The following KLHL31 variants were observed in gnomAD, a reference collection of about 807,000 sequenced individuals.
KLHL31 encodes kelch-like protein 31.
In KLHL31, 32 loss-of-function variants were observed where a neutral mutation model predicts 47.1. The ratio of observed to expected loss-of-function variants is 0.68; its 90% CI spans 0.51 to 0.91. KLHL31 has a LOEUF of 0.91. Ranked by LOEUF, KLHL31 falls within the 40% of genes least tolerant of loss-of-function variation. The pLI is 0.00. For missense variants in KLHL31, 797 were observed against 819.3 expected (o/e 0.97, Z 0.33); for synonymous variants, 330 against 325.1 (o/e 1.01, Z -0.16).
chr6:53,663,986 A>G (rs1326553), intron 1 of KLHL31, among the ~76,000 whole-genome samples: 76,729 of 152,036 alleles, frequency 0.5, 21,429 homozygotes, highest in Admixed American at 0.62. Flanking sequence ...TTATGAATAC[A>G]CAGCTGACTT....
At chr6:53,658,986 T>C (rs1049880728) in intron 1 of KLHL31, among the ~76,000 whole-genome samples, 1 of 152,240 alleles carries the variant, frequency 6.6e-6, no homozygotes, top group African/African-American at 2.4e-5. Flanking sequence ...CCTCTAGGTT[T>C]GTCAGTGAAG....
At chr6:53,659,830 T>C (rs1261226530) in intron 1 of KLHL31, among the ~76,000 whole-genome samples, 1 of 152,106 alleles carries the variant, frequency 6.6e-6, no homozygotes. Flanking sequence ...CTAGATGAAA[T>C]AGTGAAATCA....
chr6:53,657,793 C>T (rs770816381), intron 1 of KLHL31, among the ~76,000 whole-genome samples: 10 of 152,000 alleles, frequency 6.6e-5, no homozygotes, highest in Non-Finnish European at 1.3e-4. Context: ...TGTTCCTATC[C>T]ATGCAGAAGA....
chr6:53,655,416 A>G, intron 1 of KLHL31, 111 bp from the exon 2 acceptor site: 1 of 538,322 alleles, frequency 1.9e-6, no homozygotes. Context: ...CATAAAATAG[A>G]TTAATTTTTA....
intron 1 of KLHL31, among the ~76,000 whole-genome samples, chr6:53,657,208 G>A (rs751009233): frequency 1.2e-4 from 18 of 152,072 alleles, no homozygotes; most frequent in Non-Finnish European, 2.4e-4. Flanking sequence ...CAAAGTGCTA[G>A]GATTACAGGC....
intron 1 of KLHL31, among the ~76,000 whole-genome samples, chr6:53,664,385 A>G (rs1764689667): frequency 6.6e-6 from 1 of 152,202 alleles, no homozygotes; most frequent in African/African-American, 2.4e-5. Flanking sequence ...AGTCTGAAAC[A>G]TACTGTGTGC....
chr6:53,651,793 C>G lies in KLHL31; in HGVS notation c.1710G>C (p.Val570=), dbSNP rs948424824. ...TCTTCTCGCCCTCGTTCCAGCCCCCCACCAGGTAGGCGCGGCCATGCAGCG... is the reference window on the plus strand; with the variant it reads ...TCTTCTCGCCCTCGTTCCAGCCCCCGACCAGGTAGGCGCGGCCATGCAGCG... ...VSALHGRAYL[V]GGWNEGEKKY... is the part of the protein sequence containing the mutation. Residue 570 remains valine (V), a synonymous_variant, in exon 3 of 3, where the codon GTG becomes GTC. Coordinates refer to ENST00000370905, the MANE Select transcript of KLHL31 (RefSeq NM_001003760.5). 1.9e-6 allele frequency: 3 copies of G among 1,613,540 alleles called. No individual in the cohort carries two copies. Among genetic ancestry groups the G allele is most frequent in the Non-Finnish European group, 1.7e-6 (2 of 1,180,030 alleles).
At position 53,663,937 on chromosome 6, in the gene KLHL31, G is replaced by A. The variant is rs139683356; in HGVS notation, c.-34+1664C>T. On this transcript the variant is annotated intron_variant, in intron 1 of 2. Transcript: ENST00000370905. Reference sequence around the variant, plus strand: ...TTCAGTATAATCAACTGTCAAACAAGGAGATGCATTACTTTTGCTTCTATA... The same window carrying A: ...TTCAGTATAATCAACTGTCAAACAAAGAGATGCATTACTTTTGCTTCTATA... 2.0e-3 allele frequency among the ~76,000 whole-genome samples: 308 copies of A among 152,296 alleles called. 4 individuals are homozygous for A. Among genetic ancestry groups the A allele is most frequent in the Admixed American group, 0.017 (253 of 15,294 alleles).
Position 53,654,522 on chromosome 6 carries a change from C to T in KLHL31, c.751G>A (p.Ala251Thr), listed in dbSNP as rs368971362. The change falls in exon 2 of 3, where the codon GCT (alanine) becomes ACT (threonine). Residue 251 changes from alanine to threonine, a missense_variant. By Grantham distance (58) the Ala-to-Thr change is moderately conservative. Coordinates refer to ENST00000370905, the MANE Select transcript of KLHL31 (RefSeq NM_001003760.5). The part of the protein sequence containing the change: ...LEFDQKRVKY[A>T]ADLLSNIRFG... ...CGAATATTGCTCAAAAGATCTGCAG[C>T]GTATTTTACTCTCTTTTGGTCAAAT... is the stretch of plus-strand genomic sequence containing the variant. 26 of 1,614,138 alleles carry T rather than the reference C, an allele frequency of 1.6e-5. No individual in the cohort carries two copies. The highest frequency in any genetic ancestry group is 1.1e-4 in the African/African-American group (8 of 75,036).
chr6:53,665,414 C>T (rs1196699729), intron 1 of KLHL31, among the ~76,000 whole-genome samples, 187 bp downstream of exon 1: 2 of 152,020 alleles, frequency 1.3e-5, no homozygotes, highest in African/African-American at 2.4e-5. Context: ...TCTCAGATTT[C>T]AAAAAAATGT....
rs1764522384 is a variant in KLHL31, at chr6:53,654,367, GT to G, written c.905del (p.Asn302ThrfsTer61). On this transcript the variant is annotated frameshift_variant, in exon 2 of 3. Coordinates refer to ENST00000370905, the MANE Select transcript of KLHL31 (RefSeq NM_001003760.5). LOFTEE classifies it high-confidence loss of function. ...TTCTTGTTCGCCTAGATTGCAATGTGTTTTGATGATATGGAAGCAAGTGGTA... is the reference window on the plus strand; with the variant it reads ...TTCTTGTTCGCCTAGATTGCAATGTGTTTGATGATATGGAAGCAAGTGGTA... ...MNYHLLPYHQNTLQSRRTRIR... is the reference protein window; with the variant it reads ...MNYHLLPYHQXTLQSRRTRIR... The G allele has an allele frequency of 1.2e-6, 2 of 1,614,098 alleles. No homozygotes were observed. The highest frequency in any genetic ancestry group is 2.2e-5 in the East Asian group (1 of 44,902).
intron 1 of KLHL31, among the ~76,000 whole-genome samples, chr6:53,659,165 C>T (rs939171109): frequency 1.3e-5 from 2 of 152,154 alleles, no homozygotes; most frequent in African/African-American, 4.8e-5. Flanking sequence ...AGAAAGCCAC[C>T]ACATCATGGA....
chr6:53,651,787 GC>G lies in KLHL31; in HGVS notation c.1715del (p.Gly572AlafsTer47), dbSNP rs761342860. The G allele has an allele frequency of 5.0e-6, 8 of 1,613,540 alleles. No individual in the cohort carries two copies. In the East Asian group the frequency reaches 1.1e-4, roughly 22 times the overall value. On this transcript the variant is annotated frameshift_variant, in exon 3 of 3. Transcript: ENST00000370905. LOFTEE classifies it high-confidence loss of function. ...TGTACTTCTTCTCGCCCTCGTTCCA[GC>G]CCCCCACCAGGTAGGCGCGGCCATG... is the stretch of plus-strand genomic sequence containing the variant. ...ALHGRAYLVG[G>X]WNEGEKKYKK...
chr6:53,654,014 T>C, intron 2 of KLHL31, 87 bp downstream of exon 2: 3 of 1,168,510 alleles, frequency 2.6e-6, no homozygotes, highest in Non-Finnish European at 3.6e-6. Context: ...ATGGACTAAG[T>C]TAATAAGCAA....
rs1281933911 is a variant in KLHL31, at chr6:53,657,621, T to TGTGTGC, written c.-33-2317_-33-2316insGCACAC. 3.1e-3 allele frequency among the ~76,000 whole-genome samples: 448 copies of TGTGTGC among 145,722 alleles called. 1 individual carries two copies. The highest frequency in any genetic ancestry group is 0.011 in the African/African-American group (424 of 38,572). Reference sequence around the variant, plus strand: ...TTTTTGTTTTTGTTTTGTGTGTGTGTGTGTGTGTGTGTGTGTGTGTGTGTG... The same window carrying TGTGTGC: ...TTTTTGTTTTTGTTTTGTGTGTGTGTGTGTGCGTGTGTGTGTGTGTGTGTGTGTGTG... On this transcript the variant is annotated intron_variant, in intron 1 of 2. Coordinates refer to ENST00000370905, the MANE Select transcript of KLHL31 (RefSeq NM_001003760.5).
chr6:53,652,484 C>T, intron 2 of KLHL31, 154 bp from the exon 3 acceptor site: 1 of 870,374 alleles, frequency 1.1e-6, no homozygotes, highest in Non-Finnish European at 1.8e-6. Flanking sequence ...GTTTCTCTCT[C>T]AGCCAGTAAA....
At position 53,648,975 on chromosome 6, in the gene KLHL31, C is replaced by A. The variant is rs1451130168; in HGVS notation, c.*2623G>T. ...CTCAGCCGTTACAAAAATAACAAGTCATTTTCTTTAATAAAAAATAAAAGG... is the reference window on the plus strand; with the variant it reads ...CTCAGCCGTTACAAAAATAACAAGTAATTTTCTTTAATAAAAAATAAAAGG... On this transcript the variant is annotated 3_prime_UTR_variant, in exon 3 of 3. Transcript: ENST00000370905. The A allele has an allele frequency of 6.6e-6, 1 of 152,108 alleles. No individual in the cohort carries two copies. Among genetic ancestry groups the A allele is most frequent in the Non-Finnish European group, 1.5e-5 (1 of 67,984 alleles). 9.4% of individuals were successfully genotyped at this position (152,108 alleles called of 1,614,324 possible).
At chr6:53,657,687 G>T (rs1325726833) in intron 1 of KLHL31, among the ~76,000 whole-genome samples, 1 of 148,078 alleles carries the variant, frequency 6.8e-6, no homozygotes, top group Non-Finnish European at 1.5e-5. Flanking sequence ...ATCCTGAGGG[G>T]TAAAACTCAG....
rs779506640 is a variant in KLHL31 at position 53,654,863 on chromosome 6, A to T, written c.410T>A (p.Leu137Ter). Residue 137 changes from leucine to a stop codon, truncating the protein, a stop_gained, in exon 2 of 3, where the codon TTG (leucine) becomes TAG (stop). Transcript: ENST00000370905. LOFTEE classifies it high-confidence loss of function. ...YAYTGKLTLS[L>*]YTIGSIISAA... ...AGAAATAATGCTTCCTATTGTATAC[A>T]AGGAGAGAGTGAGCTTTCCAGTGTA... The T allele has an allele frequency of 1.9e-6, 3 of 1,614,182 alleles. No individual in the cohort carries two copies. Among genetic ancestry groups the T allele is most frequent in the Non-Finnish European group, 2.5e-6 (3 of 1,180,014 alleles).
Sources: allele counts gnomAD v4.1 joint callset (sites outside exome capture counted in the v4.1 genomes callset), GRCh38; gene constraint gnomAD v4.1.1; transcripts MANE v1.5; gene names NCBI Gene and HGNC (gene_info 2026-07-23, HGNC 2026-07-21).